PLAAT1: variants seen among roughly 807,000 people sequenced by gnomAD.
PLAAT1 encodes phospholipase A and acyltransferase 1.
Under a neutral mutation model 16.4 loss-of-function variants are expected in PLAAT1, and 13 were observed. That is an observed-to-expected ratio of 0.79 (90% CI 0.52 to 1.26). The LOEUF (loss-of-function observed/expected upper bound fraction) is 1.26, where lower values mean the gene tolerates loss of function less well. Among genes scored for constraint, PLAAT1 ranks in the 50% most tolerant of loss-of-function variants. The probability of loss-of-function intolerance (pLI) is 0.00; values close to 1 mark genes in which losing one functional copy is unlikely to be tolerated. For synonymous variants in PLAAT1, 73 were observed against 78.4 expected, an observed-to-expected ratio of 0.93 and a Z score of 0.36; for missense variants, 218 against 207.8, an observed-to-expected ratio of 1.05 and a Z score of -0.30.
upstream of PLAAT1, chr3:193,241,145 G>A (rs931635297): frequency 1.5e-5 from 17 of 1,142,446 alleles, no homozygotes; most frequent in African/African-American, 2.1e-4. Context: ...GGCGGGCGAA[G>A]CTGGGCTCGG....
chr3:193,275,103 G>A (rs1424239651), downstream of PLAAT1: 8 of 1,613,980 alleles, frequency 5.0e-6, 1 homozygote, highest in South Asian at 7.7e-5. Context: ...TTTTCTTTTT[G>A]GAATCTGTTC....
At chr3:193,246,998 T>C (rs748142298) in intron 1 of PLAAT1, among the ~76,000 whole-genome samples, 9 of 152,182 alleles carry the variant, frequency 5.9e-5, no homozygotes, top group Non-Finnish European at 2.9e-5. Context: ...GGCTTTCCTT[T>C]GGTGGGAGAT....
chr3:193,253,344 A>T (rs551131183), intron 1 of PLAAT1, among the ~76,000 whole-genome samples: 1 of 152,300 alleles, frequency 6.6e-6, no homozygotes, highest in South Asian at 2.1e-4. Context: ...TGTTAAATAT[A>T]TTAGAATTTT....
intron 1 of PLAAT1, among the ~76,000 whole-genome samples, chr3:193,255,272 T>A (rs1047656531): frequency 6.6e-6 from 1 of 152,190 alleles, no homozygotes; most frequent in Admixed American, 6.5e-5. Context: ...CCCCTTTTTA[T>A]CCTAAATAGA....
chr3:193,262,782 A>G (rs996438760), intron 2 of PLAAT1, among the ~76,000 whole-genome samples, 188 bp from the exon 3 acceptor site: 1 of 152,198 alleles, frequency 6.6e-6, no homozygotes, highest in Non-Finnish European at 1.5e-5. Context: ...CACTCATACA[A>G]TAGTAAGTGT....
chr3:193,258,832 A>G (rs1216117399), intron 2 of PLAAT1, among the ~76,000 whole-genome samples: 1 of 152,122 alleles, frequency 6.6e-6, no homozygotes, highest in Non-Finnish European at 1.5e-5. Flanking sequence ...GAGGTGTACA[A>G]AGAACTGGTA....
chr3:193,278,923 A>T (rs773507449), downstream of PLAAT1, among the ~76,000 whole-genome samples: 4 of 152,216 alleles, frequency 2.6e-5, no homozygotes, highest in Non-Finnish European at 4.4e-5. Flanking sequence ...CCTGGATCAA[A>T]TTATATCCAC....
intron 1 of PLAAT1, among the ~76,000 whole-genome samples, chr3:193,253,354 T>C (rs527564438): frequency 3.3e-5 from 5 of 152,326 alleles, no homozygotes; most frequent in Admixed American, 1.3e-4. Context: ...ATTAGAATTT[T>C]ACAGTTGAAT....
intron 3 of PLAAT1, among the ~76,000 whole-genome samples, chr3:193,266,707 C>T (rs1248808272): frequency 2.0e-5 from 3 of 152,134 alleles, no homozygotes; most frequent in African/African-American, 7.2e-5. Flanking sequence ...TATTATCCAT[C>T]CCAATAAATA....
intron 3 of PLAAT1, among the ~76,000 whole-genome samples, chr3:193,269,548 C>T (rs563847248): frequency 1.9e-4 from 29 of 152,244 alleles, no homozygotes; most frequent in South Asian, 1.9e-3. Context: ...GCAGGTTCCA[C>T]GGTGGAAGGC....
chr3:193,251,525 G>T (rs144207503), intron 1 of PLAAT1, among the ~76,000 whole-genome samples: 1 of 152,060 alleles, frequency 6.6e-6, no homozygotes, highest in Admixed American at 6.6e-5. Flanking sequence ...TTTGTTTTTC[G>T]TGCTTGAGGG....
intron 2 of PLAAT1, chr3:193,276,847 AC>A (rs903560418): frequency 6.3e-7 from 1 of 1,587,538 alleles, no homozygotes; most frequent in Non-Finnish European, 8.6e-7. Flanking sequence ...AAAAACAAAT[AC>A]CATTATTATA....
chr3:193,270,895 A>C (rs1016312675), downstream of PLAAT1: 8 of 1,245,824 alleles, frequency 6.4e-6, no homozygotes, highest in South Asian at 2.8e-5. Context: ...GCTAGCATAG[A>C]TGTACTGTGG....
chr3:193,248,789 G>C (rs1237988536), intron 1 of PLAAT1, among the ~76,000 whole-genome samples: 1 of 152,034 alleles, frequency 6.6e-6, no homozygotes, highest in African/African-American at 2.4e-5. Flanking sequence ...TATGTGTTTT[G>C]AATAGTTTTT....
At chr3:193,241,218 C>T (rs563625282), upstream of PLAAT1, 538 of 1,223,798 alleles carry the variant, frequency 4.4e-4, 2 homozygotes, top group African/African-American at 7.9e-3. Flanking sequence ...GGCGGCTCCC[C>T]ATGGTCAGAG....
chr3:193,275,675 C>G (rs1717162907), downstream of PLAAT1, among the ~76,000 whole-genome samples: 1 of 152,156 alleles, frequency 6.6e-6, no homozygotes, highest in Non-Finnish European at 1.5e-5. Context: ...TAAAAGGTGT[C>G]TAAGCGTTTG....
intron 1 of PLAAT1, among the ~76,000 whole-genome samples, chr3:193,245,803 C>T (rs111777528): frequency 6.6e-5 from 10 of 152,164 alleles, no homozygotes; most frequent in African/African-American, 2.4e-4. Flanking sequence ...AGTATTTTTT[C>T]CATCTACCTT....
downstream of PLAAT1, chr3:193,279,368 C>A: frequency 1.2e-6 from 2 of 1,612,122 alleles, no homozygotes; most frequent in African/African-American, 1.3e-5. Context: ...CCACTTACCT[C>A]CATTCCACGG....
intron 3 of PLAAT1, among the ~76,000 whole-genome samples, chr3:193,266,179 AT>A (rs1478155076): frequency 6.6e-6 from 1 of 152,088 alleles, no homozygotes; most frequent in Admixed American, 6.6e-5. Flanking sequence ...AGTTTATGGC[AT>A]TGATTGTGAT....
Sources: allele counts gnomAD v4.1 joint callset (sites outside exome capture counted in the v4.1 genomes callset), GRCh38; gene constraint gnomAD v4.1.1; transcripts MANE v1.5; gene names NCBI Gene and HGNC (gene_info 2026-07-23, HGNC 2026-07-21).